The following CFAP90 variants were observed in gnomAD, a reference collection of about 807,000 sequenced individuals.
The protein encoded by CFAP90 is cilia and flagella associated protein 90.
the CFAP90 span, among the ~76,000 whole-genome samples, chr5:7,837,658 A>C: frequency 7.2e-5 from 11 of 152,354 alleles, no homozygotes; most frequent in African/African-American, 2.6e-4. Context: ...ATCATCTGTC[A>C]TGTGAAACAT....
At chr5:7,836,113 C>T in the CFAP90 span, among the ~76,000 whole-genome samples, 1 of 152,178 alleles carries the variant, frequency 6.6e-6, no homozygotes, top group African/African-American at 2.4e-5. Context: ...GCCTAATCCC[C>T]TCCCAAAGGC....
the CFAP90 span, among the ~76,000 whole-genome samples, chr5:7,834,426 A>C: frequency 2.0e-5 from 3 of 152,224 alleles, no homozygotes; most frequent in Non-Finnish European, 4.4e-5. Context: ...TTAAAATTAA[A>C]AAGTTTATAA....
the CFAP90 span, chr5:7,835,458 C>T: frequency 8.8e-5 from 141 of 1,602,436 alleles, 1 homozygote; most frequent in South Asian, 1.0e-3. Flanking sequence ...ATAATCTAGG[C>T]GCCTCTTAAA....
the CFAP90 span, chr5:7,835,373 T>C: frequency 3.5e-6 from 5 of 1,447,538 alleles, no homozygotes; most frequent in East Asian, 9.1e-5. Flanking sequence ...TATTCTGTCT[T>C]AATATTACCT....
the CFAP90 span, among the ~76,000 whole-genome samples, chr5:7,841,113 C>G: frequency 2.0e-5 from 3 of 152,054 alleles, no homozygotes; most frequent in African/African-American, 7.3e-5. Flanking sequence ...GGTCTAATAT[C>G]CAGCATCTAC....
chr5:7,842,840 T>G, the CFAP90 span, among the ~76,000 whole-genome samples: 78 of 152,336 alleles, frequency 5.1e-4, no homozygotes, highest in Non-Finnish European at 8.5e-4. Flanking sequence ...GTGTAAATAC[T>G]TCGGTCATGG....
At chr5:7,850,894 T>A in the CFAP90 span, 2 of 1,349,458 alleles carry the variant, frequency 1.5e-6, no homozygotes, top group African/African-American at 3.0e-5. Flanking sequence ...GCGGTAGTAG[T>A]AGCTGTGCTC....
At chr5:7,833,298 CACAT>C in the CFAP90 span, among the ~76,000 whole-genome samples, 1 of 152,012 alleles carries the variant, frequency 6.6e-6, no homozygotes, top group Non-Finnish European at 1.5e-5. Context: ...TGCATGTACA[CACAT>C]ATGTACACAC....
At chr5:7,834,476 G>A in the CFAP90 span, among the ~76,000 whole-genome samples, 4 of 151,992 alleles carry the variant, frequency 2.6e-5, no homozygotes, top group East Asian at 1.9e-4. Context: ...ATTTATTATT[G>A]AAGAAAAAAA....
At chr5:7,838,615 G>A in the CFAP90 span, among the ~76,000 whole-genome samples, 1 of 152,178 alleles carries the variant, frequency 6.6e-6, no homozygotes, top group Non-Finnish European at 1.5e-5. Context: ...TCACCCCCAT[G>A]CCACCCCACA....
chr5:7,835,376 T>A, the CFAP90 span: 2 of 1,484,972 alleles, frequency 1.3e-6, no homozygotes, highest in East Asian at 4.5e-5. Flanking sequence ...TCTGTCTTAA[T>A]ATTACCTCTT....
chr5:7,846,414 T>C, the CFAP90 span, among the ~76,000 whole-genome samples: 70 of 152,304 alleles, frequency 4.6e-4, no homozygotes, highest in African/African-American at 1.4e-3. Context: ...CAGTCCAAGA[T>C]CAAGGCGCTG....
chr5:7,850,318 C>T, the CFAP90 span, among the ~76,000 whole-genome samples: 1 of 152,000 alleles, frequency 6.6e-6, no homozygotes, highest in African/African-American at 2.4e-5. Context: ...TGTCCAGCCC[C>T]GCCCCTCGGA....
At chr5:7,845,292 T>C in the CFAP90 span, among the ~76,000 whole-genome samples, 1 of 152,296 alleles carries the variant, frequency 6.6e-6, no homozygotes, top group South Asian at 2.1e-4. Flanking sequence ...GGGGACTTAT[T>C]GCTAAACCAT....
At chr5:7,834,560 G>A in the CFAP90 span, among the ~76,000 whole-genome samples, 1 of 152,054 alleles carries the variant, frequency 6.6e-6, no homozygotes, top group Admixed American at 6.5e-5. Context: ...AATGTCCTAG[G>A]CCTTCACATT....
At chr5:7,831,624 G>T in the CFAP90 span, 1 of 448,856 alleles carries the variant, frequency 2.2e-6, no homozygotes, top group East Asian at 3.2e-5. Flanking sequence ...TCACATCAGA[G>T]ACTCTTCACA....
chr5:7,831,034 C>T, the CFAP90 span: 152,106 of 152,344 alleles, frequency 1, 75,940 homozygotes, highest in Middle Eastern at 1. Context: ...GCATGAACTC[C>T]TCTAGGTTTG....
At chr5:7,848,499 A>T in the CFAP90 span, among the ~76,000 whole-genome samples, 7 of 152,214 alleles carry the variant, frequency 4.6e-5, no homozygotes, top group African/African-American at 1.7e-4. Context: ...TCACTGTCTC[A>T]CAGTACTGGC....
chr5:7,830,843 T>G, the CFAP90 span: 1 of 152,228 alleles, frequency 6.6e-6, no homozygotes, highest in Non-Finnish European at 1.5e-5. Context: ...TGATGATACT[T>G]TAATACTTGG....
Sources: allele counts gnomAD v4.1 joint callset (sites outside exome capture counted in the v4.1 genomes callset), GRCh38; gene constraint gnomAD v4.1.1; transcripts MANE v1.5; gene names NCBI Gene and HGNC (gene_info 2026-07-23, HGNC 2026-07-21).